EMP2: variants seen among roughly 807,000 people sequenced by gnomAD.
EMP2 encodes the protein epithelial membrane protein 2.
A neutral mutation model predicts 13.7 loss-of-function variants in EMP2; 19 were observed. That is an observed-to-expected ratio of 1.38 (90% CI 0.97 to 2.03). EMP2 has a LOEUF of 2.03. Among genes scored for constraint, EMP2 ranks in the 30% most tolerant of loss-of-function variants. EMP2 has a pLI of 0.00. For missense variants in EMP2, 253 were observed against 220.7 expected (o/e 1.15, Z -0.93); for synonymous variants, 97 against 84.7 (o/e 1.15, Z -0.80).
chr16:10,568,628 G>C (rs1355395189), intron 1 of EMP2, among the ~76,000 whole-genome samples: 1 of 152,146 alleles, frequency 6.6e-6, no homozygotes, highest in African/African-American at 2.4e-5. Context: ...AGGGTAACCT[G>C]GGGCAAGTGG....
chr16:10,552,628 T>C (rs1358445359), intron 1 of EMP2, among the ~76,000 whole-genome samples: 2 of 152,234 alleles, frequency 1.3e-5, no homozygotes, highest in Non-Finnish European at 2.9e-5. Context: ...ATTGTATTTA[T>C]TTTTAACGTT....
intron 2 of EMP2, chr16:10,546,419 A>G (rs936812067): frequency 6.6e-6 from 1 of 152,256 alleles, no homozygotes; most frequent in Non-Finnish European, 1.5e-5. Flanking sequence ...CCAAGAGGTT[A>G]TTTATCCAAT....
At chr16:10,547,954 A>C (rs2050752342) in intron 1 of EMP2, among the ~76,000 whole-genome samples, 1 of 152,142 alleles carries the variant, frequency 6.6e-6, no homozygotes, top group African/African-American at 2.4e-5. Flanking sequence ...AGATTGCTTG[A>C]GACTGGGAGG....
At chr16:10,537,195 C>T (rs917753144) in intron 4 of EMP2, among the ~76,000 whole-genome samples, 3 of 152,190 alleles carry the variant, frequency 2.0e-5, no homozygotes, top group Non-Finnish European at 2.9e-5. Context: ...AGCTTTAAAT[C>T]GTCACTGAGA....
At chr16:10,579,458 G>C (rs536617041) in intron 1 of EMP2, among the ~76,000 whole-genome samples, 2 of 152,208 alleles carry the variant, frequency 1.3e-5, no homozygotes, top group South Asian at 2.1e-4. Flanking sequence ...ACGATACTGT[G>C]TAACCATTGC....
intron 1 of EMP2, among the ~76,000 whole-genome samples, chr16:10,556,770 G>T (rs1022460256): frequency 1.1e-4 from 16 of 152,202 alleles, no homozygotes; most frequent in African/African-American, 3.9e-4. Context: ...GGTCCTAATG[G>T]TTCTGGGTGA....
chr16:10,532,765 T>TTTTTTTTTTTC lies in EMP2; in HGVS notation c.*139_*140insGAAAAAAAAAA, dbSNP rs2050615978. The TTTTTTTTTTTC allele has an allele frequency of 7.9e-6, 2 of 251,886 alleles. No individual in the cohort carries two copies. The highest frequency in any genetic ancestry group is 6.3e-5 in the African/African-American group (2 of 31,794). The allele number at this position is 251,886 out of a possible 1,614,324, so 15.6% of individuals were successfully genotyped here. ...ATTTTTTTTTTCTTTTTTCTTTTTT[T>TTTTTTTTTTTC]TTTTTTTTTTTTTTTTTTTTTGGCT... On this transcript the variant is annotated 3_prime_UTR_variant, in exon 5 of 5. Coordinates refer to ENST00000359543, the MANE Select transcript of EMP2 (RefSeq NM_001424.6).
At chr16:10,552,153 C>A (rs1487824894) in intron 1 of EMP2, among the ~76,000 whole-genome samples, 1 of 149,738 alleles carries the variant, frequency 6.7e-6, no homozygotes, top group Non-Finnish European at 1.5e-5. Flanking sequence ...GCATTTCTGA[C>A]CCTGGGGGGA....
chr16:10,549,917 A>C (rs1344704641), intron 1 of EMP2, among the ~76,000 whole-genome samples: 2 of 111,938 alleles, frequency 1.8e-5, no homozygotes, highest in Non-Finnish European at 3.4e-5. Flanking sequence ...ACAGAGTCTC[A>C]CTCTGTTGCC....
intron 1 of EMP2, among the ~76,000 whole-genome samples, chr16:10,565,251 G>C (rs537743113): frequency 3.3e-5 from 5 of 152,204 alleles, no homozygotes; most frequent in African/African-American, 1.2e-4. Context: ...CACTTAATGC[G>C]TCAACTTGTC....
intron 1 of EMP2, among the ~76,000 whole-genome samples, chr16:10,556,546 G>A (rs1343307440): frequency 1.3e-5 from 2 of 152,214 alleles, no homozygotes; most frequent in East Asian, 3.8e-4. Context: ...GCAGGACAGA[G>A]GGGTTCAACA....
rs1468593936 is a variant in EMP2, at chr16:10,530,427, T to C, written c.*2478A>G. The C allele has an allele frequency of 6.6e-6, 1 of 152,634 alleles. No homozygotes were observed. Among genetic ancestry groups the C allele is most frequent in the South Asian group, 2.1e-4 (1 of 4,828 alleles). The allele number at this position is 152,634 out of a possible 1,614,324, so 9.5% of individuals were successfully genotyped here. ...TTCAGCTCCACTGGAACTGAGCTGATGGCAAACCACCACTCCACTCAGCAG... is the reference window on the plus strand; with the variant it reads ...TTCAGCTCCACTGGAACTGAGCTGACGGCAAACCACCACTCCACTCAGCAG... On this transcript the variant is annotated 3_prime_UTR_variant, in exon 5 of 5. Transcript: ENST00000359543.
At chr16:10,536,418 G>A (rs118013172) in intron 4 of EMP2, among the ~76,000 whole-genome samples, 5,425 of 152,100 alleles carry the variant, frequency 0.036, 156 homozygotes, top group South Asian at 0.15. Flanking sequence ...TTGAATCATG[G>A]GGGCGGTTCC....
At chr16:10,572,088 A>G (rs1360830882) in intron 1 of EMP2, among the ~76,000 whole-genome samples, 1 of 152,240 alleles carries the variant, frequency 6.6e-6, no homozygotes, top group African/African-American at 2.4e-5. Flanking sequence ...AAAGTCAATG[A>G]GGGAGCAGGA....
chr16:10,567,628 C>A (rs1415245177), intron 1 of EMP2, among the ~76,000 whole-genome samples: 1 of 152,090 alleles, frequency 6.6e-6, no homozygotes, highest in Non-Finnish European at 1.5e-5. Flanking sequence ...GGGGCTTTAG[C>A]AGGATGGGAC....
At chr16:10,536,585 G>A (rs534475448) in intron 4 of EMP2, among the ~76,000 whole-genome samples, 75 of 152,274 alleles carry the variant, frequency 4.9e-4, no homozygotes, top group Non-Finnish European at 9.8e-4. Flanking sequence ...CAGCCATGTG[G>A]AACTGTAAGT....
At chr16:10,547,082 A>T (rs948503373) in intron 2 of EMP2, 1 of 153,238 alleles carries the variant, frequency 6.5e-6, no homozygotes, top group Non-Finnish European at 1.5e-5. Context: ...TCGTGGTTGA[A>T]CCTTGGCAGG....
At chr16:10,569,066 G>T (rs996435411) in intron 1 of EMP2, among the ~76,000 whole-genome samples, 2 of 152,148 alleles carry the variant, frequency 1.3e-5, no homozygotes, top group Non-Finnish European at 2.9e-5. Flanking sequence ...GGGATTACAG[G>T]CGTGAGCCAC....
intron 4 of EMP2, among the ~76,000 whole-genome samples, chr16:10,537,166 C>T (rs1345765751): frequency 6.6e-6 from 1 of 152,320 alleles, no homozygotes; most frequent in Admixed American, 6.5e-5. Flanking sequence ...GAAGGGACTT[C>T]TGTATTTTGT....
Sources: allele counts gnomAD v4.1 joint callset (sites outside exome capture counted in the v4.1 genomes callset), GRCh38; gene constraint gnomAD v4.1.1; transcripts MANE v1.5; gene names NCBI Gene and HGNC (gene_info 2026-07-23, HGNC 2026-07-21).